ACOT12: variants seen among roughly 807,000 people sequenced by gnomAD.
ACOT12 encodes acyl-CoA thioesterase 12.
A neutral mutation model predicts 67.7 loss-of-function variants in ACOT12; 51 were observed. The ratio of observed to expected loss-of-function variants is 0.75; its 90% CI spans 0.60 to 0.95. The LOEUF (loss-of-function observed/expected upper bound fraction) is 0.95. Among genes scored for constraint, ACOT12 ranks in the 40% least tolerant of loss-of-function variants. ACOT12 has a pLI of 0.00. For synonymous variants in ACOT12, 251 were observed against 244.6 expected, an observed-to-expected ratio of 1.03 and a Z score of -0.24; for missense variants, 734 against 708.1, an observed-to-expected ratio of 1.04 and a Z score of -0.41.
At chr5:81,339,256 G>A (rs530539279) in intron 11 of ACOT12, among the ~76,000 whole-genome samples, 15 of 152,332 alleles carry the variant, frequency 9.8e-5, no homozygotes, top group South Asian at 2.1e-4. Flanking sequence ...GGGGCCAAGC[G>A]GGTGGGGGTC....
At chr5:81,336,444 G>A (rs74782183) in intron 11 of ACOT12, among the ~76,000 whole-genome samples, 2,057 of 152,210 alleles carry the variant, frequency 0.014, 42 homozygotes, top group African/African-American at 0.047. Context: ...TCCTCAGCAC[G>A]AAGCACCCTT....
At chr5:81,309,103 A>G in the ACOT12 span, 1 of 1,184,346 alleles carries the variant, frequency 8.4e-7, no homozygotes, top group African/African-American at 1.5e-5. Flanking sequence ...TTTAATTTAC[A>G]CTCAATCACA....
At chr5:81,324,250 G>A in the ACOT12 span, among the ~76,000 whole-genome samples, 1 of 152,138 alleles carries the variant, frequency 6.6e-6, no homozygotes, top group African/African-American at 2.4e-5. Flanking sequence ...AGGGAAGATA[G>A]GTTATAATCC....
At chr5:81,342,550 C>G (rs1464241456) in intron 11 of ACOT12, 122 bp downstream of exon 11, 2 of 976,002 alleles carry the variant, frequency 2.0e-6, no homozygotes, top group Admixed American at 4.3e-5. Context: ...GTCTTAGAAA[C>G]AGTTTCCTCA....
intron 1 of ACOT12, among the ~76,000 whole-genome samples, chr5:81,393,396 C>T (rs532378065): frequency 6.6e-6 from 1 of 152,198 alleles, no homozygotes; most frequent in African/African-American, 2.4e-5. Flanking sequence ...AAATAGCCTA[C>T]ATAAACAAAA....
the ACOT12 span, among the ~76,000 whole-genome samples, chr5:81,323,192 A>G: frequency 6.6e-6 from 1 of 152,160 alleles, no homozygotes; most frequent in African/African-American, 2.4e-5. Context: ...TGTAGGCTCT[A>G]TCAGTCAGTT....
intron 13 of ACOT12, among the ~76,000 whole-genome samples, chr5:81,331,672 T>G (rs934589470): frequency 1.3e-5 from 2 of 152,226 alleles, no homozygotes; most frequent in Non-Finnish European, 2.9e-5. Flanking sequence ...TGAACACGCT[T>G]AACATTTTAC....
intron 9 of ACOT12, 97 bp from the exon 10 acceptor site, chr5:81,343,978 G>T: frequency 1.6e-6 from 2 of 1,259,856 alleles, no homozygotes; most frequent in Non-Finnish European, 2.3e-6. Flanking sequence ...TATCAGCCAT[G>T]GATATCAGTG....
chr5:81,367,151 T>C (rs913275094), intron 3 of ACOT12, among the ~76,000 whole-genome samples: 1 of 152,136 alleles, frequency 6.6e-6, no homozygotes, highest in African/African-American at 2.4e-5. Flanking sequence ...AACACATTTT[T>C]ACACGAACAA....
intron 1 of ACOT12, among the ~76,000 whole-genome samples, chr5:81,386,031 A>G (rs1760717239): frequency 6.6e-6 from 1 of 152,214 alleles, no homozygotes. Context: ...TATGGTAATT[A>G]CTGCACTTTT....
At chr5:81,358,604 C>G (rs1032825614) in intron 5 of ACOT12, among the ~76,000 whole-genome samples, 2 of 152,178 alleles carry the variant, frequency 1.3e-5, no homozygotes, top group Non-Finnish European at 2.9e-5. Flanking sequence ...AATCCCAGCA[C>G]TTTGGGAGGC....
At chr5:81,326,140 T>TCC, downstream of ACOT12, among the ~76,000 whole-genome samples, 1 of 147,426 alleles carries the variant, frequency 6.8e-6, no homozygotes, top group African/African-American at 2.5e-5. Context: ...TTTTTTTTTT[T>TCC]TTGTGAGTCG....
At chr5:81,318,462 G>A in the ACOT12 span, among the ~76,000 whole-genome samples, 1 of 149,052 alleles carries the variant, frequency 6.7e-6, no homozygotes, top group Non-Finnish European at 1.5e-5. Context: ...TTTGAAATTA[G>A]TAAGTGTAAG....
In ACOT12 at chr5:81,351,062, T is replaced by G. The variant is rs138321170; in HGVS notation, c.497-3132A>C. Among the ~76,000 whole-genome samples, 575 of 152,328 alleles carry G rather than the reference T, an allele frequency of 3.8e-3. 2 individuals carry two copies. The highest frequency in any genetic ancestry group is 0.013 in the African/African-American group (528 of 41,576). On this transcript the variant is annotated intron_variant, in intron 5 of 14. Transcript: ENST00000307624. ...TATTTTTCTGCCTGCTGAGATGTGT[T>G]TGCAAAGATGTTTGTAAATATTTTT...
intron 2 of ACOT12, among the ~76,000 whole-genome samples, chr5:81,373,482 CA>C (rs1760316645): frequency 6.6e-6 from 1 of 152,162 alleles, no homozygotes. Flanking sequence ...GTGTTTTTTT[CA>C]TACCCCAGTG....
At position 81,363,716 on chromosome 5, in the gene ACOT12, AT is replaced by A. The variant is rs1759987530; in HGVS notation, c.360+71del. On this transcript the variant is annotated intron_variant, in intron 4 of 14. Transcript: ENST00000307624. ...GAAAGAAGAAGTGTCATTTTTTTCT[AT>A]AACATTCTGATGCAATTGTTACTAT... 3.5e-6 allele frequency: 4 copies of A among 1,137,524 alleles called. No individual in the cohort carries two copies. The East Asian group carries it at 1.1e-4, about 30-fold the overall frequency. 70.5% of individuals were successfully genotyped at this position (1,137,524 alleles called of 1,614,324 possible).
intron 1 of ACOT12, among the ~76,000 whole-genome samples, chr5:81,386,994 C>CTTTTTTTTTTTTTTTTTTTTTTTTT (rs1052387807): frequency 7.8e-6 from 1 of 128,480 alleles, no homozygotes; most frequent in Non-Finnish European, 1.6e-5. Flanking sequence ...GGATGAGTTC[C>CTTTTTTTTTTTTTTTTTTTTTTTTT]ATTTTTTTTT....
intron 6 of ACOT12, among the ~76,000 whole-genome samples, chr5:81,347,211 G>A (rs1759407365): frequency 6.6e-6 from 1 of 152,102 alleles, no homozygotes; most frequent in African/African-American, 2.4e-5. Context: ...TTGAATCCCT[G>A]GGCTCAAGTG....
intron 1 of ACOT12, among the ~76,000 whole-genome samples, chr5:81,392,842 T>C (rs1274850714): frequency 6.6e-6 from 1 of 152,200 alleles, no homozygotes; most frequent in Non-Finnish European, 1.5e-5. Flanking sequence ...TTGTAGGTCC[T>C]AGTGAGGGCT....
Sources: allele counts gnomAD v4.1 joint callset (sites outside exome capture counted in the v4.1 genomes callset), GRCh38; gene constraint gnomAD v4.1.1; transcripts MANE v1.5; gene names NCBI Gene and HGNC (gene_info 2026-07-23, HGNC 2026-07-21).